Variants in GLIPR1L2 observed in about 807,000 individuals in gnomAD.
GLIPR1L2 encodes the protein GLIPR1-like protein 2.
In GLIPR1L2, 21 loss-of-function variants were observed where a neutral mutation model predicts 28.4. The ratio of observed to expected loss-of-function variants is 0.74; its 90% CI spans 0.52 to 1.06. The LOEUF is 1.06. GLIPR1L2 is among the 50% of genes least tolerant of loss of function. The pLI, the probability that GLIPR1L2 is intolerant of heterozygous loss-of-function variation, is 0.00. For synonymous variants in GLIPR1L2, 145 were observed against 139.3 expected, an observed-to-expected ratio of 1.04 and a Z score of -0.29; for missense variants, 476 against 416.9, an observed-to-expected ratio of 1.14 and a Z score of -1.23.
chr12:75,409,080 C>A (rs1310874123), intron 1 of GLIPR1L2, among the ~76,000 whole-genome samples: 2 of 151,946 alleles, frequency 1.3e-5, no homozygotes, highest in African/African-American at 4.8e-5. Flanking sequence ...TTGAATGCAG[C>A]CCAACACACA....
chr12:75,413,568 T>G (rs1233054636), intron 2 of GLIPR1L2, 30 bp from the exon 3 acceptor site: 1 of 1,231,624 alleles, frequency 8.1e-7, no homozygotes, highest in South Asian at 1.4e-5. Context: ...AAAATTAAAT[T>G]TTGTGTCTTT....
rs1031322973 is a variant in GLIPR1L2 at position 75,432,529 on chromosome 12, A to G, written c.*1368A>G. The G allele has an allele frequency of 1.6e-5, 1 of 61,950 alleles. No individual in the cohort carries two copies. The highest frequency in any genetic ancestry group is 4.1e-5 in the Non-Finnish European group (1 of 24,216). 3.8% of individuals were successfully genotyped at this position (61,950 alleles called of 1,614,324 possible). On this transcript the variant is annotated 3_prime_UTR_variant, in exon 6 of 6. Transcript: ENST00000550916. ...AATGTGTGGTTCCACTGAGGGAAAG[A>G]AAAAAAAAAAAACCTAGCATAGCCA...
intron 1 of GLIPR1L2, among the ~76,000 whole-genome samples, chr12:75,398,815 A>G (rs967944426): frequency 1.3e-5 from 2 of 152,320 alleles, no homozygotes; most frequent in African/African-American, 4.8e-5. Flanking sequence ...CCCCAGAGAA[A>G]ATAACCTTTA....
chr12:75,418,140 C>T (rs938415328), intron 3 of GLIPR1L2, among the ~76,000 whole-genome samples: 9 of 151,968 alleles, frequency 5.9e-5, no homozygotes, highest in Admixed American at 2.0e-4. Context: ...AATATTTCCG[C>T]TTATTGTGTT....
intron 5 of GLIPR1L2, 37 bp downstream of exon 5, chr12:75,430,778 A>G: frequency 2.0e-6 from 3 of 1,533,790 alleles, no homozygotes; most frequent in Non-Finnish European, 2.6e-6. Flanking sequence ...GAACAATTGA[A>G]CTGCTTTATA....
intron 1 of GLIPR1L2, among the ~76,000 whole-genome samples, chr12:75,398,836 A>G (rs1380686469): frequency 6.6e-6 from 1 of 152,176 alleles, no homozygotes; most frequent in Non-Finnish European, 1.5e-5. Flanking sequence ...TGAGTTTGAT[A>G]TGAATCATTC....
At chr12:75,407,001 A>T (rs541740606) in intron 1 of GLIPR1L2, among the ~76,000 whole-genome samples, 5 of 151,976 alleles carry the variant, frequency 3.3e-5, no homozygotes, top group Admixed American at 6.6e-5. Flanking sequence ...TCTGAATATC[A>T]TCTGATCAAA....
chr12:75,399,650 A>G (rs1421000486), intron 1 of GLIPR1L2, among the ~76,000 whole-genome samples: 3 of 151,896 alleles, frequency 2.0e-5, no homozygotes, highest in East Asian at 1.9e-4. Flanking sequence ...CGTCTTTGGT[A>G]TGAGTTGTAA....
At chr12:75,415,780 A>G (rs535400874) in intron 3 of GLIPR1L2, among the ~76,000 whole-genome samples, 15 of 152,214 alleles carry the variant, frequency 9.9e-5, no homozygotes, top group African/African-American at 3.6e-4. Context: ...ACCATCTTCA[A>G]GTCAGCCAAG....
At chr12:75,404,298 G>GGA (rs1250062844) in intron 1 of GLIPR1L2, among the ~76,000 whole-genome samples, 1 of 151,998 alleles carries the variant, frequency 6.6e-6, no homozygotes, top group Non-Finnish European at 1.5e-5. Context: ...ATCTCTTAAA[G>GGA]GAGGTCTACT....
At chr12:75,402,456 G>GA (rs572360162) in intron 1 of GLIPR1L2, among the ~76,000 whole-genome samples, 14 of 152,004 alleles carry the variant, frequency 9.2e-5, no homozygotes, top group Non-Finnish European at 1.6e-4. Context: ...GAGAAAAAGG[G>GA]AAAAAAATGT....
intron 1 of GLIPR1L2, chr12:75,402,970 T>C (rs1462916940): frequency 2.2e-6 from 1 of 456,572 alleles, no homozygotes; most frequent in Non-Finnish European, 4.4e-6. Flanking sequence ...CTAAATAAAG[T>C]CCTCCACTTT....
chr12:75,391,115 C>T lies in GLIPR1L2; in HGVS notation c.-2C>T, dbSNP rs765275021. The T allele has an allele frequency of 8.7e-6, 14 of 1,608,932 alleles. No individual in the cohort carries two copies. The highest frequency in any genetic ancestry group is 1.1e-5 in the Non-Finnish European group (13 of 1,176,458). ...CACTGGCCTGTCAGCGGCCGGTGGA[C>T]CATGGAGGCCGCAAGGCCCTTCGCC... On this transcript the variant is annotated 5_prime_UTR_variant, in exon 1 of 6. Coordinates refer to ENST00000550916, the MANE Select transcript of GLIPR1L2 (RefSeq NM_001270396.2).
chr12:75,416,400 A>G (rs569539163), intron 3 of GLIPR1L2, among the ~76,000 whole-genome samples: 6 of 150,188 alleles, frequency 4.0e-5, no homozygotes, highest in Admixed American at 2.0e-4. Context: ...AGCATGTGGG[A>G]GAGTGAATAT....
intron 1 of GLIPR1L2, chr12:75,391,687 GGTAA>G (rs1286463187): frequency 1.2e-5 from 6 of 505,248 alleles, no homozygotes; most frequent in Non-Finnish European, 2.0e-5. Context: ...CAATATCAAG[GGTAA>G]AGAAAATGTT....
At chr12:75,398,757 A>G (rs187226599) in intron 1 of GLIPR1L2, among the ~76,000 whole-genome samples, 5 of 152,354 alleles carry the variant, frequency 3.3e-5, no homozygotes, top group African/African-American at 4.8e-5. Flanking sequence ...AGTGCAGTCA[A>G]TGTTAACATT....
intron 1 of GLIPR1L2, among the ~76,000 whole-genome samples, chr12:75,399,890 CTT>C (rs1053860637): frequency 5.3e-5 from 8 of 152,156 alleles, no homozygotes; most frequent in Non-Finnish European, 8.8e-5. Flanking sequence ...TGTATTTACT[CTT>C]TGGCTCTCTG....
At chr12:75,421,266 G>T (rs2045973419) in intron 3 of GLIPR1L2, among the ~76,000 whole-genome samples, 1 of 152,142 alleles carries the variant, frequency 6.6e-6, no homozygotes, top group African/African-American at 2.4e-5. Flanking sequence ...GAAATAGTTG[G>T]ATAATAGAAC....
chr12:75,430,859 C>A lies in GLIPR1L2; in HGVS notation c.733C>A (p.Arg245=), dbSNP rs776493562. 1 of 1,534,314 alleles carries A rather than the reference C, an allele frequency of 6.5e-7. No individual in the cohort carries two copies. Among genetic ancestry groups the A allele is most frequent in the South Asian group, 1.2e-5 (1 of 83,798 alleles). The change falls in exon 6 of 6, where the codon CGG becomes AGG. Residue 245 remains arginine (R), a synonymous_variant. Transcript: ENST00000550916. ...RFWYPKWEMP[R]PVVCDPLCTF... ...TTGGTATCCAAAATGGGAAATGCCCCGGCCAGTTGTGTGTGATCCACTGTG... is the reference window on the plus strand; with the variant it reads ...TTGGTATCCAAAATGGGAAATGCCCAGGCCAGTTGTGTGTGATCCACTGTG...
Sources: gnomAD v4.1 joint callset for allele counts (sites outside exome capture counted in the v4.1 genomes callset) on GRCh38, gnomAD v4.1.1 for gene constraint, MANE v1.5 for transcripts, NCBI Gene and HGNC (gene_info 2026-07-23, HGNC 2026-07-21) for gene names.